The following UTY variants were observed in gnomAD, a reference collection of about 807,000 sequenced individuals.
The protein encoded by UTY is histone demethylase UTY.
A neutral mutation model predicts 32.5 loss-of-function variants in UTY; 12 were observed. The observed-to-expected ratio is 0.37, with a 90% CI of 0.24 to 0.60. The LOEUF (loss-of-function observed/expected upper bound fraction) is 0.60, where lower values mean the gene tolerates loss of function less well. Ranked by LOEUF, UTY falls within the 20% of genes least tolerant of loss-of-function variation. The pLI, the probability that UTY is intolerant of heterozygous loss-of-function variation, is 0.69. For missense variants in UTY, 303 were observed against 299.2 expected, an observed-to-expected ratio of 1.01 and a Z score of -0.09; for synonymous variants, 131 against 103.4, an observed-to-expected ratio of 1.27 and a Z score of -1.62.
intron 27 of UTY, chrY:13,286,624 G>A: frequency 2.6e-6 from 1 of 381,699 alleles, no homozygotes; most frequent in Non-Finnish European, 3.7e-6. Context: ...GTTTGAAGTA[G>A]TGCTTCTACC....
intron 27 of UTY, among the ~76,000 whole-genome samples, chrY:13,281,893 G>C: frequency 3.0e-5 from 1 of 33,176 alleles, no homozygotes; most frequent in African/African-American, 1.2e-4. Flanking sequence ...ATTGGACTTA[G>C]TATGCATTAT....
intron 4 of UTY, among the ~76,000 whole-genome samples, chrY:13,445,125 A>G: frequency 4.6e-5 from 1 of 21,780 alleles, no homozygotes; most frequent in African/African-American, 1.9e-4. Flanking sequence ...TCTGCTTTCC[A>G]GCCTGGCAAC....
chrY:13,287,260 T>C, intron 27 of UTY: 3 of 396,218 alleles, frequency 7.6e-6, no homozygotes, highest in Admixed American at 7.4e-5. Flanking sequence ...GTTCTATCAA[T>C]TGATTTCAAA....
In UTY at chrY:13,455,463, A is replaced by G. The variant is rs750668537; in HGVS notation, c.326-6397T>C. On this transcript the variant is annotated intron_variant, in intron 3 of 29. Transcript: ENST00000545955. ...TTTAGAGTAAGGGTAAGAATAACAG[A>G]TTTTCTAAATTATCACCAAAACACT... 9.0e-5 allele frequency among the ~76,000 whole-genome samples: 3 copies of G among 33,164 alleles called. No individual in the cohort carries two copies. In the South Asian group the frequency reaches 2.0e-3, roughly 22 times the overall value. The allele number at this position is 33,164 out of a possible 37,273, so 89.0% of individuals were successfully genotyped here. A position where few individuals can be genotyped will look rare whatever the true frequency, so the allele number is the denominator to read the frequency against.
chrY:13,479,720 GA>G lies in UTY; in HGVS notation c.-56del. 1 of 376,283 alleles carries G rather than the reference GA, an allele frequency of 2.7e-6. No homozygotes were observed. Among genetic ancestry groups the G allele is most frequent in the Non-Finnish European group, 3.7e-6 (1 of 269,315 alleles). The allele number at this position is 376,283 out of a possible 400,897, so 93.9% of individuals were successfully genotyped here. A position where few individuals can be genotyped will look rare whatever the true frequency, so the allele number is the denominator to read the frequency against. ...GATACCCAACCTTAATCGAGTAGTT[GA>G]AAAGACGCCTTCAATCGCTGCTTGA... is the stretch of plus-strand genomic sequence containing the variant. On this transcript the variant is annotated 5_prime_UTR_variant, in exon 1 of 30. Coordinates refer to ENST00000545955, the MANE Select transcript of UTY (RefSeq NM_001258249.2).
intron 9 of UTY, among the ~76,000 whole-genome samples, chrY:13,367,378 G>A: frequency 3.0e-5 from 1 of 33,121 alleles, no homozygotes; most frequent in East Asian, 7.8e-4. Context: ...AGAGCCATAA[G>A]AGTGGTACAC....
At chrY:13,353,890 G>A (rs888646027) in intron 17 of UTY, among the ~76,000 whole-genome samples, 4 of 34,083 alleles carry the variant, frequency 1.2e-4, no homozygotes, top group Admixed American at 1.1e-3. Flanking sequence ...GTTGTTTCAG[G>A]GATGAGAAAA....
chrY:13,282,870 C>T (rs2057110739), intron 27 of UTY, among the ~76,000 whole-genome samples: 1 of 34,392 alleles, frequency 2.9e-5, no homozygotes, highest in African/African-American at 1.1e-4. Context: ...CAGGGGACTC[C>T]GGCCAGCCTG....
chrY:13,390,063 T>C, intron 8 of UTY, among the ~76,000 whole-genome samples: 3 of 33,884 alleles, frequency 8.9e-5, no homozygotes, highest in Admixed American at 5.3e-4. Flanking sequence ...ACAAATACTA[T>C]GATATCTGTA....
chrY:13,323,639 G>T lies in UTY; in HGVS notation c.3192C>A (p.Ile1064=). Residue 1064 remains isoleucine (I), a synonymous_variant, in exon 21 of 30, where the codon ATC becomes ATA. Transcript: ENST00000545955. ...ENWDPTGTKK[I]WRCESNRSHT... is the part of the protein sequence containing the mutation. ...GAGATCTATTGCTTTCACAACGCCAGATTTTCTTTGTTCCAGTGGGATCCC... is the reference window on the plus strand; with the variant it reads ...GAGATCTATTGCTTTCACAACGCCATATTTTCTTTGTTCCAGTGGGATCCC... 1 of 398,141 alleles carries T rather than the reference G, an allele frequency of 2.5e-6. No homozygotes were observed. The highest frequency in any genetic ancestry group is 3.5e-6 in the Non-Finnish European group (1 of 282,990).
At chrY:13,459,099 C>T (rs1603474040) in intron 3 of UTY, among the ~76,000 whole-genome samples, 1 of 31,119 alleles carries the variant, frequency 3.2e-5, no homozygotes, top group Non-Finnish European at 7.8e-5. Context: ...ACATGGCACA[C>T]GTATACATAT....
At chrY:13,412,715 C>T (rs2071106178) in intron 5 of UTY, among the ~76,000 whole-genome samples, 1 of 33,399 alleles carries the variant, frequency 3.0e-5, no homozygotes, top group African/African-American at 1.2e-4. Context: ...TAGTTTTACA[C>T]TGGATTTCAC....
chrY:13,269,607 C>CA (rs1216505423), intron 27 of UTY, among the ~76,000 whole-genome samples: 46 of 30,508 alleles, frequency 1.5e-3, no homozygotes, highest in African/African-American at 5.9e-3. Flanking sequence ...CAAAACAAAA[C>CA]AAAAAAAAAC....
intron 3 of UTY, among the ~76,000 whole-genome samples, chrY:13,464,762 C>T: frequency 3.3e-5 from 1 of 30,682 alleles, no homozygotes; most frequent in Non-Finnish European, 7.8e-5. Flanking sequence ...GCACACCAGC[C>T]TCGTTGACAG....
At chrY:13,363,606 G>GA in intron 10 of UTY, among the ~76,000 whole-genome samples, 2 of 30,378 alleles carry the variant, frequency 6.6e-5, no homozygotes, top group South Asian at 7.3e-4. Flanking sequence ...TCTTATTCTT[G>GA]AAAAAAAAAG....
chrY:13,303,271 C>T (rs983475583), intron 24 of UTY, among the ~76,000 whole-genome samples: 13 of 33,524 alleles, frequency 3.9e-4, no homozygotes, highest in Admixed American at 1.1e-3. Context: ...TACCACATGT[C>T]AAATGTTAGC....
chrY:13,362,733 G>A, intron 10 of UTY, among the ~76,000 whole-genome samples: 1 of 32,958 alleles, frequency 3.0e-5, no homozygotes, highest in Non-Finnish European at 7.5e-5. Context: ...AACCAAAGCA[G>A]GTTAATTACC....
rs780334143 is a variant in UTY at position 13,355,042 on chromosome Y, T to A, written c.2022A>T (p.Thr674=). 5.0e-6 allele frequency: 2 copies of A among 399,068 alleles called. No individual in the cohort carries two copies. Among genetic ancestry groups the A allele is most frequent in the South Asian group, 5.9e-5 (2 of 33,804 alleles). The part of the protein sequence containing the change: ...PHNHTDLNSS[T]EEPWRKQLSN... ...ATAGCTGTTTTCTCCATGGCTCTTCTGTGCTGCTGTTCAGGTCTGTATGAT... is the reference window on the plus strand; with the variant it reads ...ATAGCTGTTTTCTCCATGGCTCTTCAGTGCTGCTGTTCAGGTCTGTATGAT... The change falls in exon 17 of 30, where the codon ACA becomes ACT. Residue 674 remains threonine, a synonymous_variant. Coordinates refer to ENST00000545955, the MANE Select transcript of UTY (RefSeq NM_001258249.2).
At chrY:13,266,198 T>C in intron 27 of UTY, among the ~76,000 whole-genome samples, 1 of 33,013 alleles carries the variant, frequency 3.0e-5, no homozygotes, top group African/African-American at 1.2e-4. Flanking sequence ...GAACTTGTTA[T>C]TGGTCTATTC....
Sources: allele counts gnomAD v4.1 joint callset (sites outside exome capture counted in the v4.1 genomes callset), GRCh38; gene constraint gnomAD v4.1.1; transcripts MANE v1.5; gene names NCBI Gene and HGNC (gene_info 2026-07-23, HGNC 2026-07-21).